The following SOHLH2 variants were observed in gnomAD, a reference collection of about 807,000 sequenced individuals.
SOHLH2 encodes the protein spermatogenesis and oogenesis specific basic helix-loop-helix 2, also known as spermatogenesis- and oogenesis-specific basic helix-loop-helix-containing protein 2.
SOHLH2 carries 22 observed loss-of-function variants against 50.4 expected under a neutral mutation model. That is an observed-to-expected ratio of 0.44 (90% confidence interval 0.31 to 0.62). The LOEUF is 0.62. Among genes scored for constraint, SOHLH2 ranks in the 20% least tolerant of loss-of-function variants. SOHLH2 has a pLI of 0.08. For synonymous variants in SOHLH2, 185 were observed against 187.3 expected (o/e 0.99, Z 0.10); for missense variants, 412 against 504.4 (o/e 0.82, Z 1.76).
chr13:36,185,113 A>T (rs999222240), intron 6 of SOHLH2, among the ~76,000 whole-genome samples: 8 of 152,166 alleles, frequency 5.3e-5, no homozygotes, highest in African/African-American at 1.9e-4. Flanking sequence ...ATTCTTTGTT[A>T]TGGCTACATA....
At chr13:36,196,745 G>A (rs1268475077) in intron 2 of SOHLH2, among the ~76,000 whole-genome samples, 3 of 152,054 alleles carry the variant, frequency 2.0e-5, no homozygotes, top group Non-Finnish European at 4.4e-5. Flanking sequence ...TGTAAGATAT[G>A]GATATATGGA....
intron 1 of SOHLH2, among the ~76,000 whole-genome samples, chr13:36,209,277 AT>A (rs1347838263): frequency 1.3e-5 from 2 of 151,194 alleles, no homozygotes; most frequent in Admixed American, 6.6e-5. Context: ...ATAACCTGCT[AT>A]TTTTAGGATG....
rs1392628498 is a variant in SOHLH2, at chr13:36,210,036, GCCTTT to G, written c.48+4438_48+4442del. 3.9e-5 allele frequency among the ~76,000 whole-genome samples: 6 copies of G among 152,284 alleles called. No homozygotes were observed. The East Asian group carries it at 7.7e-4, about 20-fold the overall frequency. On this transcript the variant is annotated intron_variant, in intron 1 of 10. Transcript: ENST00000379881. ...GTTTATTTTCCTCCTGGAAAGAACT[GCCTTT>G]CCTTTCCTCTTTCAGTTACAGAGAT...
At chr13:36,169,085 T>C (rs759080905) in intron 10 of SOHLH2, 31 bp from the exon 11 acceptor site, 3 of 1,601,634 alleles carry the variant, frequency 1.9e-6, no homozygotes, top group East Asian at 2.3e-5. Context: ...CCCACATTAA[T>C]TGAATCCTCA....
Position 36,201,938 on chromosome 13 carries a change from A to T in SOHLH2, c.204T>A (p.Val68=). 1 of 1,614,212 alleles carries T rather than the reference A, an allele frequency of 6.2e-7. No individual in the cohort carries two copies. The highest frequency in any genetic ancestry group is 8.5e-7 in the Non-Finnish European group (1 of 1,180,044). Residue 68 remains valine, a synonymous_variant, in exon 2 of 11, where the codon GTT becomes GTA. Transcript: ENST00000379881. ...TTAGTGAAGAAGGCACCTTCAAGAG[A>T]ACCATGTTGAATATGCAATCATCCA... The part of the protein sequence containing the change: ...ALLDDCIFNM[V]LLKVPSSLSA...
intron 2 of SOHLH2, among the ~76,000 whole-genome samples, chr13:36,197,890 T>C (rs1020445471): frequency 2.0e-5 from 3 of 152,172 alleles, no homozygotes; most frequent in Admixed American, 6.5e-5. Context: ...CCTCCACCAA[T>C]TCGTAGGACA....
intron 1 of SOHLH2, 150 bp from the exon 2 acceptor site, chr13:36,202,243 C>T (rs1398661160): frequency 2.1e-6 from 2 of 950,486 alleles, no homozygotes; most frequent in Admixed American, 2.6e-5. Flanking sequence ...CAACTATAAG[C>T]AGCTCAAGGA....
chr13:36,178,876 T>G (rs1190703777), intron 6 of SOHLH2, among the ~76,000 whole-genome samples: 1 of 151,534 alleles, frequency 6.6e-6, no homozygotes, highest in Non-Finnish European at 1.5e-5. Flanking sequence ...TTATTCTACT[T>G]TAAATGTCAT....
At chr13:36,184,560 C>T (rs977959012) in intron 6 of SOHLH2, among the ~76,000 whole-genome samples, 1 of 150,000 alleles carries the variant, frequency 6.7e-6, no homozygotes, top group Middle Eastern at 3.2e-3. Flanking sequence ...CCCGGGTTCA[C>T]GCCATTCTCC....
intron 4 of SOHLH2, among the ~76,000 whole-genome samples, chr13:36,192,978 C>A (rs1887618135): frequency 2.0e-5 from 3 of 152,066 alleles, no homozygotes; most frequent in Admixed American, 1.3e-4. Flanking sequence ...GTATCCCAGG[C>A]CGAGAAAGAC....
chr13:36,210,069 G>A (rs1438349946), intron 1 of SOHLH2, among the ~76,000 whole-genome samples: 3 of 152,116 alleles, frequency 2.0e-5, no homozygotes, highest in African/African-American at 7.2e-5. Context: ...ACAGAGATCG[G>A]GAAATTACTC....
intron 6 of SOHLH2, among the ~76,000 whole-genome samples, chr13:36,186,906 A>G (rs1803911096): frequency 6.6e-6 from 1 of 152,122 alleles, no homozygotes; most frequent in Non-Finnish European, 1.5e-5. Flanking sequence ...CCAAAACCAT[A>G]TGTAAAGCAG....
chr13:36,197,242 G>A (rs888719882), intron 2 of SOHLH2, among the ~76,000 whole-genome samples: 1 of 152,050 alleles, frequency 6.6e-6, no homozygotes, highest in African/African-American at 2.4e-5. Flanking sequence ...GATGTTTCCT[G>A]AGGCTACACC....
At chr13:36,179,689 A>C (rs1345402884) in intron 6 of SOHLH2, among the ~76,000 whole-genome samples, 1 of 152,274 alleles carries the variant, frequency 6.6e-6, no homozygotes, top group East Asian at 1.9e-4. Flanking sequence ...CTGGAATTAC[A>C]GGTATGAGCC....
At chr13:36,208,296 T>C (rs1310743742) in intron 1 of SOHLH2, among the ~76,000 whole-genome samples, 1 of 152,232 alleles carries the variant, frequency 6.6e-6, no homozygotes, top group African/African-American at 2.4e-5. Flanking sequence ...GGAAATCTTA[T>C]GTAAGGAGGA....
intron 1 of SOHLH2, among the ~76,000 whole-genome samples, chr13:36,213,130 G>C (rs1869219304): frequency 6.6e-6 from 1 of 152,120 alleles, no homozygotes; most frequent in Non-Finnish European, 1.5e-5. Context: ...GCTCTATCTG[G>C]AGAAACTGAG....
chr13:36,172,328 T>C (rs1176087682), intron 9 of SOHLH2, among the ~76,000 whole-genome samples: 1 of 152,254 alleles, frequency 6.6e-6, no homozygotes, highest in Non-Finnish European at 1.5e-5. Flanking sequence ...GATTTAATCA[T>C]TCCATGTCAC....
intron 1 of SOHLH2, among the ~76,000 whole-genome samples, chr13:36,211,818 C>T (rs189496102): frequency 6.6e-6 from 1 of 152,310 alleles, no homozygotes; most frequent in African/African-American, 2.4e-5. Flanking sequence ...ACAAAGAACA[C>T]AGAAAACGTC....
chr13:36,202,570 A>G (rs1027600441), intron 1 of SOHLH2, among the ~76,000 whole-genome samples: 1 of 152,356 alleles, frequency 6.6e-6, no homozygotes, highest in Admixed American at 6.5e-5. Context: ...AGTCCTTTCA[A>G]TGGAATATAT....
Sources: allele counts gnomAD v4.1 joint callset (sites outside exome capture counted in the v4.1 genomes callset), GRCh38; gene constraint gnomAD v4.1.1; transcripts MANE v1.5; gene names NCBI Gene and HGNC (gene_info 2026-07-23, HGNC 2026-07-21).